Variants in AHDC1 observed in about 807,000 individuals in gnomAD.
The protein encoded by AHDC1 is transcription factor Gibbin.
A neutral mutation model predicts 87.9 loss-of-function variants in AHDC1; 7 were observed. The observed-to-expected ratio is 0.08, with a 90% CI of 0.05 to 0.15. AHDC1 has a LOEUF of 0.15. Ranked by LOEUF, AHDC1 falls within the 10% of genes least tolerant of loss-of-function variation. The pLI is 1.00. For missense variants in AHDC1, 1,841 were observed against 2,253.2 expected (o/e 0.82, Z 3.70); for synonymous variants, 1,051 against 1,006.8 (o/e 1.04, Z -0.83).
At chr1:27,584,953 A>G (rs2089009082) in intron 3 of AHDC1, among the ~76,000 whole-genome samples, 1 of 152,080 alleles carries the variant, frequency 6.6e-6, no homozygotes, top group Non-Finnish European at 1.5e-5. Flanking sequence ...TGGGCAGATC[A>G]CCTGAGGTCA....
At chr1:27,601,986 C>A (rs11801264) in intron 3 of AHDC1, among the ~76,000 whole-genome samples, 1 of 152,198 alleles carries the variant, frequency 6.6e-6, no homozygotes, top group African/African-American at 2.4e-5. Context: ...ACTGGTCCGG[C>A]GGGAAACGCC....
chr1:27,572,370 G>A (rs2088557966), intron 3 of AHDC1, among the ~76,000 whole-genome samples: 1 of 152,094 alleles, frequency 6.6e-6, no homozygotes. Flanking sequence ...AAAGATAGAA[G>A]GGAAGAGGCA....
rs1264617068 is a variant in AHDC1 at position 27,565,934 on chromosome 1, T to C, written c.-628-7051A>G. On this transcript the variant is annotated intron_variant, in intron 3 of 8. Coordinates refer to ENST00000673934, the MANE Select transcript of AHDC1 (RefSeq NM_001371928.1). The surrounding 1 kb of genome is among the most constrained non-coding windows in gnomAD (Gnocchi z 4.6). ...TGGTGCCACACTCTCTGTAGGCTCT[T>C]CAACCTTGCACCCTCCATTTCAGGT... Among the ~76,000 whole-genome samples the C allele has an allele frequency of 6.6e-6, 1 of 152,204 alleles. No individual in the cohort carries two copies. The highest frequency in any genetic ancestry group is 2.4e-5 in the African/African-American group (1 of 41,464).
intron 3 of AHDC1, among the ~76,000 whole-genome samples, chr1:27,577,094 C>T (rs534362981): frequency 6.6e-6 from 1 of 152,292 alleles, no homozygotes; most frequent in Admixed American, 6.5e-5. Context: ...CTACTCTGTC[C>T]CTGTCCCTCA....
intron 3 of AHDC1, among the ~76,000 whole-genome samples, chr1:27,570,668 T>C (rs1243584374): frequency 6.6e-6 from 1 of 152,232 alleles, no homozygotes; most frequent in African/African-American, 2.4e-5. Context: ...TGTTTAGAAC[T>C]GGGACCAGGT....
rs941055398 is a variant in AHDC1 at position 27,595,175 on chromosome 1, G to A, written c.-629+8222C>T. Reference sequence around the variant, plus strand: ...TGTTGTGGCTACAGAGGGTGTTCTTGTTTGAGTGGGTGTTTGAAGCAGTGA... The same window carrying A: ...TGTTGTGGCTACAGAGGGTGTTCTTATTTGAGTGGGTGTTTGAAGCAGTGA... On this transcript the variant is annotated intron_variant, in intron 3 of 8. Coordinates refer to ENST00000673934, the MANE Select transcript of AHDC1 (RefSeq NM_001371928.1). The surrounding 1 kb of genome is among the most constrained non-coding windows in gnomAD (Gnocchi z 4.0). Among the ~76,000 whole-genome samples, 1 of 152,112 alleles carries A rather than the reference G, an allele frequency of 6.6e-6. No homozygotes were observed. Among genetic ancestry groups the A allele is most frequent in the East Asian group, 1.9e-4 (1 of 5,190 alleles).
At position 27,550,804 on chromosome 1, in the gene AHDC1, G is replaced by A. The variant is rs766547752; in HGVS notation, c.1312C>T (p.Pro438Ser). The A allele has an allele frequency of 3.8e-6, 6 of 1,566,458 alleles. No individual in the cohort carries two copies. In the African/African-American group the frequency reaches 6.8e-5, roughly 18 times the overall value. ...ACCGGGCCTGGGCCTGGCAGGGCAG[G>A]GGGTGGAGGAGGCGGTGGTGGTGGG... Reference protein sequence around the residue: ...EPPPPPPPPPPALPGPGPVSV... With the variant: ...EPPPPPPPPPSALPGPGPVSV... The change falls in exon 8 of 9, where the codon CCT becomes TCT. Residue 438 changes from proline (P) to serine (S), a missense_variant. Physicochemically the swap from Pro to Ser is moderately conservative, Grantham distance 74 (BLOSUM62 -1). Coordinates refer to ENST00000673934, the MANE Select transcript of AHDC1 (RefSeq NM_001371928.1).
intron 3 of AHDC1, among the ~76,000 whole-genome samples, chr1:27,594,400 C>G (rs543683545): frequency 1.8e-3 from 278 of 152,306 alleles, no homozygotes; most frequent in Non-Finnish European, 3.2e-3. Context: ...CCCCCTGTCC[C>G]TCTCTCCCAC....
chr1:27,550,120 G>C lies in AHDC1; in HGVS notation c.1996C>G (p.Arg666Gly), dbSNP rs571016988. The change falls in exon 8 of 9, where the codon CGG becomes GGG. Residue 666 changes from arginine to glycine, a missense_variant. Around this residue, in one of 13 missense-constraint regions of AHDC1, gnomAD observed 236 missense variants for 257.9 expected, o/e 0.92. Coordinates refer to ENST00000673934, the MANE Select transcript of AHDC1 (RefSeq NM_001371928.1). ...SHFLHRVQGF[R>G]RRGGKAGGFG... ...CCGCCTGCTTTGCCCCCACGCCGCC[G>C]GAAGCCCTGCACACGATGCAGGAAG... 20 of 1,610,254 alleles carry C rather than the reference G, an allele frequency of 1.2e-5. No homozygotes were observed. The Admixed American group carries it at 3.2e-4, about 25-fold the overall frequency.
chr1:27,603,073 G>A (rs1041144107), intron 3 of AHDC1, among the ~76,000 whole-genome samples: 2 of 150,228 alleles, frequency 1.3e-5, no homozygotes, highest in East Asian at 2.0e-4. Flanking sequence ...AGGAGGGGGC[G>A]CGCGGCAGCG....
chr1:27,547,937 G>C lies in AHDC1; in HGVS notation c.4179C>G (p.Gly1393=), dbSNP rs374097223. The change falls in exon 8 of 9, where the codon GGC becomes GGG. Residue 1393 remains glycine, a synonymous_variant. Transcript: ENST00000673934. The surrounding 1 kb of genome is among the most constrained non-coding windows in gnomAD (Gnocchi z 4.9). ...AGGTGGGCGAGTATGCCTTCTGCAG[G>C]CCGGCGTCAAACACCGTGGGTGGGT... The part of the protein sequence containing the change: ...LAHPPTVFDA[G]LQKAYSPTCS... 1 of 1,585,550 alleles carries C rather than the reference G, an allele frequency of 6.3e-7. No homozygotes were observed.
intron 3 of AHDC1, among the ~76,000 whole-genome samples, chr1:27,566,887 A>C (rs1437636315): frequency 2.0e-5 from 3 of 151,642 alleles, no homozygotes; most frequent in Non-Finnish European, 4.4e-5. Context: ...GCAGGGGCAC[A>C]GTCTGCTGGC....
At chr1:27,559,686 G>A (rs748680715) in intron 3 of AHDC1, among the ~76,000 whole-genome samples, 1 of 152,200 alleles carries the variant, frequency 6.6e-6, no homozygotes, top group Non-Finnish European at 1.5e-5. Flanking sequence ...TTCCACAAGG[G>A]TGTATATGCA....
chr1:27,604,193 A>AGC (rs994217591), upstream of AHDC1: 5 of 150,494 alleles, frequency 3.3e-5, no homozygotes, highest in African/African-American at 7.3e-5. Flanking sequence ...CCCAGGGGGG[A>AGC]GCGCGCGCGC....
chr1:27,601,361 G>A (rs567853449), intron 3 of AHDC1, among the ~76,000 whole-genome samples: 1 of 152,370 alleles, frequency 6.6e-6, no homozygotes, highest in South Asian at 2.1e-4. Flanking sequence ...TGGGCTTGTG[G>A]GTGATTCCTG....
intron 8 of AHDC1, among the ~76,000 whole-genome samples, chr1:27,543,815 C>T (rs544751150): frequency 2.6e-5 from 4 of 152,188 alleles, no homozygotes; most frequent in Admixed American, 2.0e-4. Flanking sequence ...CACAGTGGTG[C>T]GCCCCTGTAA....
chr1:27,597,094 G>A (rs919972869), intron 3 of AHDC1, among the ~76,000 whole-genome samples: 4 of 152,196 alleles, frequency 2.6e-5, no homozygotes, highest in Admixed American at 1.3e-4. Context: ...GGCTCTCACC[G>A]ACTGAGAGGA....
At position 27,547,710 on chromosome 1, in the gene AHDC1, G is replaced by A; in HGVS notation, c.4406C>T (p.Pro1469Leu). 3 of 1,597,168 alleles carry A rather than the reference G, an allele frequency of 1.9e-6. No individual in the cohort carries two copies. Among genetic ancestry groups the A allele is most frequent in the Admixed American group, 1.7e-5 (1 of 58,910 alleles). ...PSCKGTAYWY[P>L]PGSAARSPPY... ...CGGGCTGCGGGCAGCTGAGCCTGGA[G>A]GGTACCAATAGGCTGTGCCCTTGCA... The change falls in exon 8 of 9, where the codon CCT becomes CTT. Residue 1469 changes from proline to leucine, a missense_variant. Pro to Leu is a moderately conservative substitution (Grantham distance 98). Transcript: ENST00000673934. This position sits in a 1 kb window ranked among gnomAD's most constrained non-coding sequence, Gnocchi z 4.9.
chr1:27,554,126 C>A (rs2019698962), intron 5 of AHDC1, among the ~76,000 whole-genome samples: 7 of 152,166 alleles, frequency 4.6e-5, no homozygotes. Context: ...ATGAGGTACG[C>A]AAAGCAATCA....
Sources: allele counts gnomAD v4.1 joint callset (sites outside exome capture counted in the v4.1 genomes callset), GRCh38; gene constraint gnomAD v4.1.1; regional missense constraint gnomAD v4.1.1; non-coding constraint Gnocchi (gnomAD v3.1); transcripts MANE v1.5; gene names NCBI Gene and HGNC (gene_info 2026-07-23, HGNC 2026-07-21).